Variants in GDF6 observed in about 807,000 individuals in gnomAD.
GDF6 encodes the protein growth differentiation factor 6.
A neutral mutation model predicts 32.4 loss-of-function variants in GDF6; 3 were observed. The observed-to-expected ratio is 0.09, with a 90% CI of 0.04 to 0.24. The LOEUF is 0.24. Among genes scored for constraint, GDF6 ranks in the 10% least tolerant of loss-of-function variants. GDF6 has a pLI of 1.00. For synonymous variants in GDF6, 296 were observed against 295.3 expected (o/e 1.00, Z -0.03); for missense variants, 589 against 637.9 (o/e 0.92, Z 0.83).
intron 1 of GDF6, among the ~76,000 whole-genome samples, chr8:96,157,248 C>CT (rs1216712227): frequency 3.3e-5 from 5 of 152,062 alleles, no homozygotes. Context: ...AGTTCTCCTC[C>CT]TGGAGGATAG....
At position 96,146,707 on chromosome 8, in the gene GDF6, C is replaced by CACAGAGAGAGAGAG. The variant is rs367654279; in HGVS notation, c.407-1184_407-1183insCTCTCTCTCTCTGT. ...ACACACACACACACACACACACACA[C>CACAGAGAGAGAGAG]AGAGAGAGAGAGAGAGAGATAGAGA... On this transcript the variant is annotated intron_variant, in intron 1 of 1. Transcript: ENST00000287020. Among the ~76,000 whole-genome samples, 743 of 139,986 alleles carry CACAGAGAGAGAGAG rather than the reference C, an allele frequency of 5.3e-3. 14 individuals are homozygous for CACAGAGAGAGAGAG. Among genetic ancestry groups the CACAGAGAGAGAGAG allele is most frequent in the African/African-American group, 0.02 (710 of 35,148 alleles). The allele number at this position is 139,986 out of a possible 152,430, so 91.8% of individuals were successfully genotyped here. A position where few individuals can be genotyped will look rare whatever the true frequency, so the allele number is the denominator to read the frequency against.
At chr8:96,152,795 G>A (rs1812590461) in intron 1 of GDF6, among the ~76,000 whole-genome samples, 1 of 151,920 alleles carries the variant, frequency 6.6e-6, no homozygotes, top group South Asian at 2.1e-4. Context: ...AGTCTTCCAC[G>A]GAGTCTTGGA....
intron 1 of GDF6, among the ~76,000 whole-genome samples, chr8:96,150,841 A>AT (rs1056852958): frequency 3.9e-5 from 6 of 152,066 alleles, no homozygotes; most frequent in African/African-American, 1.4e-4. Context: ...TTCCCCCAGG[A>AT]TTTTTTTTCT....
intron 1 of GDF6, 73 bp downstream of exon 1, chr8:96,160,214 C>T: frequency 6.9e-7 from 1 of 1,439,524 alleles, no homozygotes; most frequent in South Asian, 1.1e-5. Flanking sequence ...ACAAATGTAG[C>T]CTCCAGCGGG....
intron 1 of GDF6, among the ~76,000 whole-genome samples, chr8:96,146,821 A>ATTAGGTC (rs1812493791): frequency 6.6e-6 from 1 of 152,236 alleles, no homozygotes; most frequent in African/African-American, 2.4e-5. Flanking sequence ...CATAAGTGAG[A>ATTAGGTC]AAAAGAAATT....
Position 96,160,364 on chromosome 8 carries a change from T to A in GDF6, c.329A>T (p.Lys110Met). 1 of 1,614,212 alleles carries A rather than the reference T, an allele frequency of 6.2e-7. No individual in the cohort carries two copies. The highest frequency in any genetic ancestry group is 8.5e-7 in the Non-Finnish European group (1 of 1,180,034). ...SIYRTYSIAE[K>M]LGINASFFQS... ...GAAAAAGCTGGCATTGATGCCCAGC[T>A]TCTCAGCGATGGAGTAAGTCCTGTA... is the stretch of plus-strand genomic sequence containing the variant. The change falls in exon 1 of 2, where the codon AAG (lysine) becomes ATG (methionine). Residue 110 changes from lysine (K) to methionine (M), a missense_variant. Around this residue, in one of 2 missense-constraint regions of GDF6, gnomAD observed 436 missense variants for 411.2 expected, o/e 1.06. Transcript: ENST00000287020.
At chr8:96,160,148 G>A (rs758405502) in intron 1 of GDF6, 139 bp downstream of exon 1, 2 of 941,032 alleles carry the variant, frequency 2.1e-6, no homozygotes, top group Middle Eastern at 2.9e-4. Context: ...ACTCGAGCTT[G>A]AGAAAAACAA....
In GDF6 at chr8:96,142,549, A is replaced by C. The variant is rs1349690845; in HGVS notation, c.*2014T>G. The C allele has an allele frequency of 6.5e-6, 1 of 152,692 alleles. No homozygotes were observed. Among genetic ancestry groups the C allele is most frequent in the Admixed American group, 6.5e-5 (1 of 15,286 alleles). The allele number at this position is 152,692 out of a possible 1,614,324, so 9.5% of individuals were successfully genotyped here. On this transcript the variant is annotated 3_prime_UTR_variant, in exon 2 of 2. Coordinates refer to ENST00000287020, the MANE Select transcript of GDF6 (RefSeq NM_001001557.4). ...AAGAAAATGGTAACATTATGAAAAAATGAAATATCTGATTAATGCTTAACT... is the reference window on the plus strand; with the variant it reads ...AAGAAAATGGTAACATTATGAAAAACTGAAATATCTGATTAATGCTTAACT...
chr8:96,158,424 T>C (rs922384631), intron 1 of GDF6, among the ~76,000 whole-genome samples: 14 of 152,232 alleles, frequency 9.2e-5, no homozygotes, highest in Non-Finnish European at 1.6e-4. Flanking sequence ...GCCACAGGCT[T>C]CCGGAGACAC....
At chr8:96,156,013 C>G (rs2130229472) in intron 1 of GDF6, among the ~76,000 whole-genome samples, 1 of 152,284 alleles carries the variant, frequency 6.6e-6, no homozygotes, top group Non-Finnish European at 1.5e-5. Context: ...CAGAATGGTC[C>G]TGCTCTGCCC....
In GDF6 at chr8:96,145,814, C is replaced by CA. The variant is rs1812476806; in HGVS notation, c.407-291dup. ...GCGGCGGCCTACCGGGTTTTCCCCC[C>CA]AAAAGGCTTCGTAACCACTAATGTG... On this transcript the variant is annotated intron_variant, in intron 1 of 1. Coordinates refer to ENST00000287020, the MANE Select transcript of GDF6 (RefSeq NM_001001557.4). This position sits in a 1 kb window ranked among gnomAD's most constrained non-coding sequence, Gnocchi z 5.6. Among the ~76,000 whole-genome samples the CA allele has an allele frequency of 6.6e-6, 1 of 152,144 alleles. No individual in the cohort carries two copies.
rs1812743691 is a variant in GDF6, at chr8:96,160,559, C to T, written c.134G>A (p.Ser45Asn). Reference sequence around the variant, plus strand: ...CCGCTGCATCTTGCCTTCCTTGCGGCTTCGCATGCCCTTGGTGGAACCCAG... The same window carrying T: ...CCGCTGCATCTTGCCTTCCTTGCGGTTTCGCATGCCCTTGGTGGAACCCAG... ...AELGSTKGMR[S>N]RKEGKMQRAP... Residue 45 changes from serine (S) to asparagine (N), a missense_variant, in exon 1 of 2, where the codon AGC becomes AAC. This residue lies in a region of GDF6 where 436 missense variants were observed against 411.2 expected (regional missense o/e 1.06). Transcript: ENST00000287020. 6.2e-7 allele frequency: 1 copy of T among 1,613,616 alleles called. No homozygotes were observed. Among genetic ancestry groups the T allele is most frequent in the South Asian group, 1.1e-5 (1 of 91,090 alleles).
Position 96,145,108 on chromosome 8 carries a change from G to C in GDF6, c.823C>G (p.Arg275Gly). The C allele has an allele frequency of 6.6e-7, 1 of 1,516,528 alleles. No homozygotes were observed. The highest frequency in any genetic ancestry group is 8.8e-7 in the Non-Finnish European group (1 of 1,141,166). 93.9% of individuals were successfully genotyped at this position (1,516,528 alleles called of 1,614,324 possible). A position where few individuals can be genotyped will look rare whatever the true frequency, so the allele number is the denominator to read the frequency against. The change falls in exon 2 of 2, where the codon CGG (arginine) becomes GGG (glycine). Residue 275 changes from arginine to glycine, a missense_variant. Coordinates refer to ENST00000287020, the MANE Select transcript of GDF6 (RefSeq NM_001001557.4). This position sits in a 1 kb window ranked among gnomAD's most constrained non-coding sequence, Gnocchi z 5.6. Reference protein sequence around the residue: ...FGRRVRPPQERALLVVFTRSQ... With the variant: ...FGRRVRPPQEGALLVVFTRSQ... ...CTGGTGAATACCACCAGCAGGGCCC[G>C]CTCCTGGGGAGGCCGCACCCTCCGG... is the stretch of plus-strand genomic sequence containing the variant.
chr8:96,160,424 G>T lies in GDF6; in HGVS notation c.269C>A (p.Pro90Gln). 1 of 1,614,088 alleles carries T rather than the reference G, an allele frequency of 6.2e-7. No individual in the cohort carries two copies. Among genetic ancestry groups the T allele is most frequent in the Non-Finnish European group, 8.5e-7 (1 of 1,179,964 alleles). The change falls in exon 1 of 2, where the codon CCG becomes CAG. Residue 90 changes from proline (P) to glutamine (Q), a missense_variant. Around this residue, in one of 2 missense-constraint regions of GDF6, gnomAD observed 436 missense variants for 411.2 expected, o/e 1.06. Coordinates refer to ENST00000287020, the MANE Select transcript of GDF6 (RefSeq NM_001001557.4). ...PRAQEPPGRG[P>Q]RVVPHEYMLS... ...CATGTACTCGTGGGGCACCACGCGC[G>T]GACCCCTGCCTGGCGGCTCCTGCGC...
chr8:96,153,205 G>C (rs1354460350), intron 1 of GDF6, among the ~76,000 whole-genome samples: 1 of 152,244 alleles, frequency 6.6e-6, no homozygotes, highest in Admixed American at 6.5e-5. Flanking sequence ...TTTGTCTCTA[G>C]AGGATGAAAC....
chr8:96,157,859 AGGTCACCGCC>A, intron 1 of GDF6, among the ~76,000 whole-genome samples: 1 of 152,262 alleles, frequency 6.6e-6, no homozygotes, highest in East Asian at 1.9e-4. Flanking sequence ...GTCCAGCCTG[AGGTCACCGCC>A]GGTGACACAT....
Position 96,145,117 on chromosome 8 carries a change from G to A in GDF6, c.814C>T (p.Pro272Ser), listed in dbSNP as rs768607718. 6 of 1,523,598 alleles carry A rather than the reference G, an allele frequency of 3.9e-6. No individual in the cohort carries two copies. Among genetic ancestry groups the A allele is most frequent in the Non-Finnish European group, 4.4e-6 (5 of 1,145,032 alleles). 94.4% of individuals were successfully genotyped at this position (1,523,598 alleles called of 1,614,324 possible). A position where few individuals can be genotyped will look rare whatever the true frequency, so the allele number is the denominator to read the frequency against. Residue 272 changes from proline (P) to serine (S), a missense_variant, in exon 2 of 2, where the codon CCC (proline) becomes TCC (serine). Coordinates refer to ENST00000287020, the MANE Select transcript of GDF6 (RefSeq NM_001001557.4). The surrounding 1 kb of genome is among the most constrained non-coding windows in gnomAD (Gnocchi z 5.6). The stretch of plus-strand genomic sequence containing the variant: ...ACCACCAGCAGGGCCCGCTCCTGGG[G>A]AGGCCGCACCCTCCGGCCGAAGCCC... ...SLGFGRRVRPPQERALLVVFT... is the reference protein window; with the variant it reads ...SLGFGRRVRPSQERALLVVFT...
intron 1 of GDF6, among the ~76,000 whole-genome samples, chr8:96,155,878 A>G (rs1048800837): frequency 6.6e-6 from 1 of 152,130 alleles, no homozygotes; most frequent in Non-Finnish European, 1.5e-5. Flanking sequence ...AGTTGATTAC[A>G]CCACTCTGCG....
At position 96,145,563 on chromosome 8, in the gene GDF6, G is replaced by T. The variant is rs77859767; in HGVS notation, c.407-39C>A. On this transcript the variant is annotated intron_variant, in intron 1 of 1. Transcript: ENST00000287020. This position sits in a 1 kb window ranked among gnomAD's most constrained non-coding sequence, Gnocchi z 5.6. ...AATAATTACAGTCAGTTTCACTTAAGGGGGAGATCAGCCCGGTGCTCTTCG... is the reference window on the plus strand; with the variant it reads ...AATAATTACAGTCAGTTTCACTTAATGGGGAGATCAGCCCGGTGCTCTTCG... 1.3e-6 allele frequency: 2 copies of T among 1,596,922 alleles called. No individual in the cohort carries two copies. The highest frequency in any genetic ancestry group is 1.7e-4 in the Middle Eastern group (1 of 6,034).
Sources: allele counts gnomAD v4.1 joint callset (sites outside exome capture counted in the v4.1 genomes callset), GRCh38; gene constraint gnomAD v4.1.1; regional missense constraint gnomAD v4.1.1; non-coding constraint Gnocchi (gnomAD v3.1); transcripts MANE v1.5; gene names NCBI Gene and HGNC (gene_info 2026-07-23, HGNC 2026-07-21).